The following CHPT1 variants were observed in gnomAD, a reference collection of about 807,000 sequenced individuals.
CHPT1 encodes the protein cholinephosphotransferase 1.
In CHPT1, 36 loss-of-function variants were observed where a neutral mutation model predicts 47.6. The ratio of observed to expected loss-of-function variants is 0.76; its 90% CI spans 0.58 to 1.00. The LOEUF (loss-of-function observed/expected upper bound fraction) is 1.00, where lower values mean the gene tolerates loss of function less well. CHPT1 is among the 50% of genes least tolerant of loss of function. The pLI is 0.00. For missense variants in CHPT1, 458 were observed against 498.1 expected, an observed-to-expected ratio of 0.92 and a Z score of 0.77; for synonymous variants, 194 against 186.3, an observed-to-expected ratio of 1.04 and a Z score of -0.33.
At chr12:101,726,570 C>A (rs190405130) in intron 8 of CHPT1, 166 bp downstream of exon 8, 5 of 1,026,980 alleles carry the variant, frequency 4.9e-6, no homozygotes, top group Non-Finnish European at 1.3e-6. Context: ...TGTCTTATTT[C>A]AGTTATGAAG....
Position 101,714,515 on chromosome 12 carries a change from G to C in CHPT1, c.433G>C (p.Val145Leu), listed in dbSNP as rs1455340733. 4 of 1,600,966 alleles carry C rather than the reference G, an allele frequency of 2.5e-6. No individual in the cohort carries two copies. The highest frequency in any genetic ancestry group is 3.4e-6 in the Non-Finnish European group (4 of 1,176,272). Residue 145 changes from valine (V) to leucine (L), a missense_variant, in exon 3 of 9, where the codon GTG (valine) becomes CTG (leucine). Val to Leu is a conservative substitution (Grantham distance 32). Coordinates refer to ENST00000229266, the MANE Select transcript of CHPT1 (RefSeq NM_020244.3). Reference sequence around the variant, plus strand: ...TTTGTTTCTTTCAGTATTTATGGCAGTGGGAGCTTCAATTGCCGCTCGCTT... The same window carrying C: ...TTTGTTTCTTTCAGTATTTATGGCACTGGGAGCTTCAATTGCCGCTCGCTT... Reference protein sequence around the residue: ...CDSLSTVFMAVGASIAARLGT... With the variant: ...CDSLSTVFMALGASIAARLGT...
chr12:101,713,327 G>A (rs1207072284), intron 1 of CHPT1, among the ~76,000 whole-genome samples: 1 of 152,170 alleles, frequency 6.6e-6, no homozygotes, highest in Non-Finnish European at 1.5e-5. Flanking sequence ...GTTCTCAGCC[G>A]AAGACGGAAA....
chr12:101,709,027 T>TG (rs1951670244), intron 1 of CHPT1, among the ~76,000 whole-genome samples: 1 of 148,954 alleles, frequency 6.7e-6, no homozygotes, highest in Non-Finnish European at 1.5e-5. Context: ...ATCCTTACAT[T>TG]TAACTTTTTT....
intron 1 of CHPT1, among the ~76,000 whole-genome samples, chr12:101,700,880 G>A (rs1160187112): frequency 6.6e-6 from 1 of 152,092 alleles, no homozygotes; most frequent in Non-Finnish European, 1.5e-5. Flanking sequence ...CTTGGGACTT[G>A]TTTTCTGATT....
intron 6 of CHPT1, 53 bp downstream of exon 6, chr12:101,723,379 C>T (rs1188794395): frequency 1.9e-6 from 2 of 1,070,276 alleles, no homozygotes; most frequent in African/African-American, 3.3e-5. Flanking sequence ...TCGTCAAACA[C>T]AAAGCTGGAA....
intron 7 of CHPT1, among the ~76,000 whole-genome samples, chr12:101,725,236 T>G (rs10083157): frequency 0.26 from 39,324 of 151,842 alleles, 5,471 homozygotes; most frequent in East Asian, 0.33. Context: ...TTCAGAAGTC[T>G]TCATTCTTCC....
chr12:101,716,028 G>T (rs1162119939), intron 3 of CHPT1, among the ~76,000 whole-genome samples: 14 of 152,064 alleles, frequency 9.2e-5, no homozygotes, highest in Non-Finnish European at 1.5e-5. Flanking sequence ...AGAATAATGG[G>T]GCCAAAAGCC....
chr12:101,704,336 CTT>C (rs1305725337), intron 1 of CHPT1, among the ~76,000 whole-genome samples: 2 of 150,588 alleles, frequency 1.3e-5, no homozygotes, highest in African/African-American at 4.9e-5. Context: ...TAAATCAACT[CTT>C]TTAAAAACTT....
In CHPT1 at chr12:101,716,799, T is replaced by C. The variant is rs756725928; in HGVS notation, c.635T>C (p.Met212Thr). The C allele has an allele frequency of 1.9e-6, 3 of 1,596,978 alleles. No homozygotes were observed. The highest frequency in any genetic ancestry group is 2.6e-6 in the Non-Finnish European group (3 of 1,168,800). ...TTGTCTGCATTTGGAGGAGCAACAA[T>C]GTGGGACTATACGGTAAATCTGAAT... ...FVLSAFGGAT[M>T]WDYTIPILEI... The change falls in exon 4 of 9, where the codon ATG (methionine) becomes ACG (threonine). Residue 212 changes from methionine to threonine, a missense_variant. Transcript: ENST00000229266.
rs1951482224 is a variant in CHPT1, at chr12:101,697,723, C to G, written c.-139C>G. ...CCGGGCAGGCCGGCCTGACCTCGACCTCCGCCGTGCGGGCCCGACCGGTGA... is the reference window on the plus strand; with the variant it reads ...CCGGGCAGGCCGGCCTGACCTCGACGTCCGCCGTGCGGGCCCGACCGGTGA... On this transcript the variant is annotated 5_prime_UTR_variant, in exon 1 of 9. Transcript: ENST00000229266. 3 of 207,860 alleles carry G rather than the reference C, an allele frequency of 1.4e-5. No individual in the cohort carries two copies. The highest frequency in any genetic ancestry group is 2.6e-5 in the Non-Finnish European group (3 of 115,540). The allele number at this position is 207,860 out of a possible 1,614,324, so 12.9% of individuals were successfully genotyped here. A position where few individuals can be genotyped will look rare whatever the true frequency, so the allele number is the denominator to read the frequency against.
In CHPT1 at chr12:101,697,932, C is replaced by G. The variant is rs1264340786; in HGVS notation, c.71C>G (p.Ala24Gly). The G allele has an allele frequency of 2.0e-6, 3 of 1,499,486 alleles. No homozygotes were observed. Among genetic ancestry groups the G allele is most frequent in the Non-Finnish European group, 2.7e-6 (3 of 1,132,044 alleles). The allele number at this position is 1,499,486 out of a possible 1,614,324, so 92.9% of individuals were successfully genotyped here. The change falls in exon 1 of 9, where the codon GCG becomes GGG. Residue 24 changes from alanine (A) to glycine (G), a missense_variant. Physicochemically the swap from Ala to Gly is moderately conservative, Grantham distance 60. Coordinates refer to ENST00000229266, the MANE Select transcript of CHPT1 (RefSeq NM_020244.3). ...LRALSEPLSA[A>G]QLRRLEEHRY... is the part of the protein sequence containing the mutation. ...GCGCTGAGCGAGCCGCTGAGCGCGG[C>G]GCAGCTGCGGCGACTGGAGGAGCAC...
Position 101,714,385 on chromosome 12 carries a change from GTACTT to G in CHPT1, c.422-116_422-112del. 4.3e-6 allele frequency: 5 copies of G among 1,164,394 alleles called. No individual in the cohort carries two copies. The South Asian group carries it at 8.3e-5, about 19-fold the overall frequency. 72.1% of individuals were successfully genotyped at this position (1,164,394 alleles called of 1,614,324 possible). On this transcript the variant is annotated intron_variant, in intron 2 of 8. Transcript: ENST00000229266. ...ATGTCAAGAATTCATTTTGATAAGT[GTACTT>G]TATTTTAATGCCATGATTATTTCCT...
chr12:101,728,812 G>T, intron 8 of CHPT1, 89 bp from the exon 9 acceptor site: 1 of 1,483,844 alleles, frequency 6.7e-7, no homozygotes, highest in Non-Finnish European at 9.3e-7. Context: ...AATGAAACAG[G>T]TTTATGATTA....
rs1352291128 is a variant in CHPT1, at chr12:101,712,680, T to C, written c.274-1410T>C. Among the ~76,000 whole-genome samples, 2 of 148,812 alleles carry C rather than the reference T, an allele frequency of 1.3e-5. 1 individual carries two copies. The highest frequency in any genetic ancestry group is 3.0e-5 in the Non-Finnish European group (2 of 66,582). ...TCTGTGGTGTTTAATATGCTGTTAA[T>C]CTCACCCAGTTTATTTTACAATTCA... On this transcript the variant is annotated intron_variant, in intron 1 of 8. Transcript: ENST00000229266.
In CHPT1 at chr12:101,728,980, G is replaced by A. The variant is rs1041880991; in HGVS notation, c.*35G>A. 1.2e-6 allele frequency: 2 copies of A among 1,613,506 alleles called. No homozygotes were observed. Among genetic ancestry groups the A allele is most frequent in the Non-Finnish European group, 1.7e-6 (2 of 1,179,684 alleles). On this transcript the variant is annotated 3_prime_UTR_variant, in exon 9 of 9. Coordinates refer to ENST00000229266, the MANE Select transcript of CHPT1 (RefSeq NM_020244.3). Reference sequence around the variant, plus strand: ...CGAACACTTGCTATCTCTTGCTGCTGCTGTTTCATGGAAGGAGATATTAAA... The same window carrying A: ...CGAACACTTGCTATCTCTTGCTGCTACTGTTTCATGGAAGGAGATATTAAA...
intron 4 of CHPT1, among the ~76,000 whole-genome samples, chr12:101,718,446 C>T (rs1951797073): frequency 6.6e-6 from 1 of 152,052 alleles, no homozygotes; most frequent in Non-Finnish European, 1.5e-5. Context: ...AGTATGAGGC[C>T]AGGAGTTCAA....
At chr12:101,710,499 G>C in intron 1 of CHPT1, among the ~76,000 whole-genome samples, 1 of 148,910 alleles carries the variant, frequency 6.7e-6, no homozygotes, top group East Asian at 2.0e-4. Flanking sequence ...AGAAACTTTG[G>C]TTTCTGCCTA....
At chr12:101,712,203 G>T (rs909987953) in intron 1 of CHPT1, among the ~76,000 whole-genome samples, 3 of 147,478 alleles carry the variant, frequency 2.0e-5, no homozygotes, top group African/African-American at 7.3e-5. Flanking sequence ...TATATCTTTT[G>T]TAGAGATGGG....
chr12:101,699,146 G>A (rs1951512706), intron 1 of CHPT1, among the ~76,000 whole-genome samples: 1 of 151,992 alleles, frequency 6.6e-6, no homozygotes, highest in Admixed American at 6.5e-5. Context: ...GCCGTGCCGT[G>A]GCTCGATCTC....
Sources: allele counts gnomAD v4.1 joint callset (sites outside exome capture counted in the v4.1 genomes callset), GRCh38; gene constraint gnomAD v4.1.1; transcripts MANE v1.5; gene names NCBI Gene and HGNC (gene_info 2026-07-23, HGNC 2026-07-21).